The following SCAMP5 variants were observed in gnomAD, a reference collection of about 807,000 sequenced individuals.
The protein encoded by SCAMP5 is secretory carrier-associated membrane protein 5.
Under a neutral mutation model 28.3 loss-of-function variants are expected in SCAMP5, and 7 were observed. The ratio of observed to expected loss-of-function variants is 0.25; its 90% CI spans 0.14 to 0.46. SCAMP5 has a LOEUF of 0.46. SCAMP5 is among the 20% of genes least tolerant of loss of function. The pLI is 0.99. For synonymous variants in SCAMP5, 117 were observed against 116.4 expected (o/e 1.00, Z -0.03); for missense variants, 192 against 312.5 (o/e 0.61, Z 2.91).
Position 75,018,644 on chromosome 15 carries a change from C to A in SCAMP5, c.513+109C>A. ...ATCCCGAGGTCTTCCAAGGGACTCACTCTGGAATGGCCTGCAGGACTCTCC... is the reference window on the plus strand; with the variant it reads ...ATCCCGAGGTCTTCCAAGGGACTCAATCTGGAATGGCCTGCAGGACTCTCC... On this transcript the variant is annotated intron_variant, in intron 6 of 6. Transcript: ENST00000425597. This position sits in a 1 kb window ranked among gnomAD's most constrained non-coding sequence, Gnocchi z 5.6. The A allele has an allele frequency of 9.5e-7, 1 of 1,047,188 alleles. No individual in the cohort carries two copies. Among genetic ancestry groups the A allele is most frequent in the Non-Finnish European group, 1.5e-6 (1 of 665,168 alleles). 64.9% of individuals were successfully genotyped at this position (1,047,188 alleles called of 1,614,324 possible). A position where few individuals can be genotyped will look rare whatever the true frequency, so the allele number is the denominator to read the frequency against.
At chr15:75,000,706 GAGA>G (rs144591665) in intron 1 of SCAMP5, among the ~76,000 whole-genome samples, 13,986 of 106,460 alleles carry the variant, frequency 0.13, 901 homozygotes, top group Middle Eastern at 0.43. Context: ...TTTTTTTGAA[GAGA>G]AGAAGAATAA....
At chr15:75,013,575 T>G (rs1302682275) in intron 3 of SCAMP5, among the ~76,000 whole-genome samples, 1 of 152,092 alleles carries the variant, frequency 6.6e-6, no homozygotes, top group Non-Finnish European at 1.5e-5. Context: ...TGGCTCACAC[T>G]TGTAGTCCCA....
chr15:75,002,418 C>T (rs2065718366), intron 1 of SCAMP5, among the ~76,000 whole-genome samples: 2 of 152,006 alleles, frequency 1.3e-5, no homozygotes, highest in Admixed American at 1.3e-4. Context: ...CTGCAGCCCT[C>T]CCTGGGCCCT....
In SCAMP5 at chr15:75,021,020, C is replaced by G. The variant is rs903480279; in HGVS notation, c.*2037C>G. ...AGAACTTTGGCTCCCTTTCCCTTCT[C>G]TCTCTGGTAGCTCCAGGAGGCCTGT... On this transcript the variant is annotated 3_prime_UTR_variant, in exon 7 of 7. Coordinates refer to ENST00000425597, the MANE Select transcript of SCAMP5 (RefSeq NM_138967.4). 1.3e-5 allele frequency: 2 copies of G among 152,604 alleles called. No homozygotes were observed. Among genetic ancestry groups the G allele is most frequent in the Non-Finnish European group, 1.5e-5 (1 of 68,346 alleles). The allele number at this position is 152,604 out of a possible 1,614,324, so 9.5% of individuals were successfully genotyped here. A position where few individuals can be genotyped will look rare whatever the true frequency, so the allele number is the denominator to read the frequency against.
At chr15:75,004,301 C>T (rs1447616645) in intron 1 of SCAMP5, among the ~76,000 whole-genome samples, 3 of 152,210 alleles carry the variant, frequency 2.0e-5, no homozygotes, top group Non-Finnish European at 2.9e-5. Flanking sequence ...CCTCATGTAG[C>T]TGAGACTACA....
intron 4 of SCAMP5, 41 bp from the exon 5 acceptor site, chr15:75,017,829 G>T: frequency 7.6e-7 from 1 of 1,315,574 alleles, no homozygotes; most frequent in Admixed American, 1.7e-5. Context: ...GGAAGCCCTG[G>T]CCCTCTGCCC....
chr15:75,009,228 C>T (rs1457043362), intron 1 of SCAMP5, among the ~76,000 whole-genome samples: 1 of 152,124 alleles, frequency 6.6e-6, no homozygotes, highest in Non-Finnish European at 1.5e-5. Flanking sequence ...GGTTTCTAAT[C>T]CTTTGTTATT....
intron 1 of SCAMP5, among the ~76,000 whole-genome samples, chr15:75,005,735 C>T (rs2065750872): frequency 1.3e-5 from 2 of 152,096 alleles, no homozygotes; most frequent in Admixed American, 6.6e-5. Flanking sequence ...TTCTTTCTTT[C>T]TTTTTTTGAG....
chr15:75,012,998 C>A, intron 3 of SCAMP5, 193 bp downstream of exon 3: 1 of 594,548 alleles, frequency 1.7e-6, no homozygotes, highest in Non-Finnish European at 3.0e-6. Context: ...CCGACTGGGC[C>A]TCAGTTTCCC....
chr15:75,015,486 T>C (rs1325094204), intron 3 of SCAMP5, among the ~76,000 whole-genome samples: 2 of 151,908 alleles, frequency 1.3e-5, no homozygotes, highest in Non-Finnish European at 2.9e-5. Context: ...CTTGGGGAAC[T>C]TTTAGTCTGG....
At chr15:75,016,802 G>A in intron 4 of SCAMP5, 53 bp downstream of exon 4, 2 of 1,427,538 alleles carry the variant, frequency 1.4e-6, no homozygotes, top group South Asian at 2.6e-5. Context: ...CATCTCCCCT[G>A]TCTCTTCTCC....
chr15:75,002,235 G>T (rs2065716460), intron 1 of SCAMP5, among the ~76,000 whole-genome samples: 1 of 151,890 alleles, frequency 6.6e-6, no homozygotes, highest in South Asian at 2.1e-4. Context: ...CTTGGATCCT[G>T]TTCGGCTTCC....
intron 1 of SCAMP5, among the ~76,000 whole-genome samples, chr15:74,999,811 A>G (rs759205151): frequency 9.2e-5 from 14 of 152,174 alleles, no homozygotes; most frequent in Non-Finnish European, 2.1e-4. Flanking sequence ...AAAAATAAAT[A>G]AATAAAATAA....
At chr15:75,000,586 G>A (rs146626065) in intron 1 of SCAMP5, among the ~76,000 whole-genome samples, 7 of 151,562 alleles carry the variant, frequency 4.6e-5, no homozygotes, top group South Asian at 2.1e-4. Context: ...AGGTTTCACC[G>A]TGTTAGCCAG....
chr15:75,005,984 T>TG (rs1283781791), intron 1 of SCAMP5, among the ~76,000 whole-genome samples: 2 of 135,308 alleles, frequency 1.5e-5, no homozygotes, highest in Non-Finnish European at 3.1e-5. Context: ...GGCCTCCCTT[T>TG]TTTTTTTTTT....
chr15:75,016,565 A>G (rs749973996), intron 3 of SCAMP5, 28 bp from the exon 4 acceptor site: 3 of 1,601,648 alleles, frequency 1.9e-6, no homozygotes, highest in African/African-American at 1.3e-5. Flanking sequence ...GTCTGTCTCT[A>G]TGTGTGCATG....
At chr15:74,997,866 A>G (rs1461477866) in intron 1 of SCAMP5, among the ~76,000 whole-genome samples, 1 of 152,152 alleles carries the variant, frequency 6.6e-6, no homozygotes, top group East Asian at 1.9e-4. Flanking sequence ...TAGTTCTGGG[A>G]TTTCAGGGCA....
At chr15:74,997,709 G>A (rs1293758687) in intron 1 of SCAMP5, among the ~76,000 whole-genome samples, 3 of 152,154 alleles carry the variant, frequency 2.0e-5, no homozygotes, top group Admixed American at 6.5e-5. Flanking sequence ...CAACCTGTGA[G>A]CAGCCAAAGG....
In SCAMP5 at chr15:75,011,909, T is replaced by G. The variant is rs374473315; in HGVS notation, c.7+63T>G. The G allele has an allele frequency of 1.0e-5, 15 of 1,433,648 alleles. No homozygotes were observed. In the African/African-American group the frequency reaches 1.7e-4, roughly 16 times the overall value. 88.8% of individuals were successfully genotyped at this position (1,433,648 alleles called of 1,614,324 possible). A position where few individuals can be genotyped will look rare whatever the true frequency, so the allele number is the denominator to read the frequency against. ...AGTGAGCATAGCGTGGATGGCCCTC[T>G]TCCTGGTTCCCTTATCTCCCCTAGT... On this transcript the variant is annotated intron_variant, in intron 2 of 6. Coordinates refer to ENST00000425597, the MANE Select transcript of SCAMP5 (RefSeq NM_138967.4).
Sources: gnomAD v4.1 joint callset for allele counts (sites outside exome capture counted in the v4.1 genomes callset) on GRCh38, gnomAD v4.1.1 for gene constraint, Gnocchi (gnomAD v3.1) non-coding constraint, MANE v1.5 for transcripts, NCBI Gene and HGNC (gene_info 2026-07-23, HGNC 2026-07-21) for gene names.